LRRIQ3: variants seen among roughly 807,000 people sequenced by gnomAD.
LRRIQ3 encodes leucine rich repeats and IQ motif containing 3.
In LRRIQ3, 75 loss-of-function variants were observed where a neutral mutation model predicts 59.3. The observed-to-expected ratio is 1.26, with a 90% CI of 1.05 to 1.53. The LOEUF is 1.53. LRRIQ3 is among the 40% of genes most tolerant of loss of function. The probability of loss-of-function intolerance (pLI) is 0.00; values close to 1 mark genes in which losing one functional copy is unlikely to be tolerated. For synonymous variants in LRRIQ3, 250 were observed against 231.3 expected (o/e 1.08, Z -0.73); for missense variants, 831 against 710.0 (o/e 1.17, Z -1.94).
intron 5 of LRRIQ3, among the ~76,000 whole-genome samples, chr1:74,078,307 T>C (rs776488506): frequency 2.2e-4 from 33 of 151,866 alleles, no homozygotes; most frequent in Non-Finnish European, 3.5e-4. Context: ...GGTCAACGTT[T>C]ATATAAATGA....
At chr1:74,145,205 C>T (rs187738652) in intron 4 of LRRIQ3, among the ~76,000 whole-genome samples, 25 of 152,150 alleles carry the variant, frequency 1.6e-4, no homozygotes, top group Admixed American at 1.4e-3. Flanking sequence ...TTAACCAATT[C>T]GGTGCTTTTT....
At chr1:74,181,049 A>C (rs1052991408) in intron 3 of LRRIQ3, 9 of 435,636 alleles carry the variant, frequency 2.1e-5, no homozygotes, top group Non-Finnish European at 3.7e-5. Context: ...TTACCACTGA[A>C]TCTCCAAGTC....
intron 3 of LRRIQ3, among the ~76,000 whole-genome samples, chr1:74,160,453 T>C (rs1217536136): frequency 6.6e-5 from 10 of 152,128 alleles, no homozygotes; most frequent in Non-Finnish European, 1.5e-5. Context: ...AAAATATATG[T>C]ACTTTGCTCA....
chr1:74,101,328 T>C (rs1287531021), intron 5 of LRRIQ3, among the ~76,000 whole-genome samples: 1 of 152,126 alleles, frequency 6.6e-6, no homozygotes, highest in African/African-American at 2.4e-5. Context: ...TCACTGGCCA[T>C]CAGAGAAATG....
At chr1:74,057,187 A>C (rs1306889946) in intron 6 of LRRIQ3, among the ~76,000 whole-genome samples, 1 of 152,136 alleles carries the variant, frequency 6.6e-6, no homozygotes, top group Non-Finnish European at 1.5e-5. Context: ...TCCTATCAAA[A>C]TACTAACGAC....
At chr1:74,163,077 T>C (rs527536911) in intron 3 of LRRIQ3, among the ~76,000 whole-genome samples, 2 of 151,748 alleles carry the variant, frequency 1.3e-5, no homozygotes, top group East Asian at 1.9e-4. Flanking sequence ...CTATACACTA[T>C]ATATTTTGAA....
chr1:74,154,294 T>A (rs944033532), intron 4 of LRRIQ3, among the ~76,000 whole-genome samples: 1 of 143,874 alleles, frequency 7.0e-6, no homozygotes, highest in African/African-American at 2.6e-5. Context: ...ATATCTACTT[T>A]TGTCAGGTGC....
rs371220239 is a variant in LRRIQ3, at chr1:74,182,686, T to C, written c.425A>G (p.His142Arg). Residue 142 changes from histidine to arginine, a missense_variant, in exon 3 of 8, where the codon CAT (histidine) becomes CGT (arginine). Transcript: ENST00000354431. ...CPVSLKKGYR[H>R]VLVNSIWPLK... ...AGGCCATATACTGTTAACAAGAACA[T>C]GTCTATATCCTTTTTTAAGGCTTAC... The C allele has an allele frequency of 9.3e-6, 15 of 1,612,666 alleles. No individual in the cohort carries two copies. The African/African-American group carries it at 1.7e-4, about 19-fold the overall frequency.
At chr1:74,034,851 T>C (rs1438248293) in intron 7 of LRRIQ3, among the ~76,000 whole-genome samples, 2 of 152,034 alleles carry the variant, frequency 1.3e-5, no homozygotes, top group Non-Finnish European at 2.9e-5. Context: ...AAAACAATGT[T>C]GTTTAAAAAT....
intron 6 of LRRIQ3, among the ~76,000 whole-genome samples, chr1:74,070,064 G>A (rs1654977977): frequency 6.6e-6 from 1 of 152,030 alleles, no homozygotes; most frequent in Non-Finnish European, 1.5e-5. Context: ...GAAGCAGCTT[G>A]GTGACTTCTG....
intron 3 of LRRIQ3, among the ~76,000 whole-genome samples, chr1:74,176,667 A>G (rs983091223): frequency 2.6e-5 from 4 of 151,564 alleles, no homozygotes; most frequent in Non-Finnish European, 4.4e-5. Context: ...TTGTTTATGT[A>G]GGGGTTATAG....
At chr1:74,049,750 C>G (rs1287598837) in intron 6 of LRRIQ3, among the ~76,000 whole-genome samples, 2 of 151,998 alleles carry the variant, frequency 1.3e-5, no homozygotes, top group African/African-American at 4.8e-5. Flanking sequence ...ACGTCATATT[C>G]AAATTGTTTA....
At chr1:74,137,943 G>C (rs560496311) in intron 4 of LRRIQ3, among the ~76,000 whole-genome samples, 2 of 151,886 alleles carry the variant, frequency 1.3e-5, no homozygotes, top group East Asian at 2.0e-4. Flanking sequence ...GGCCTGTCAG[G>C]GGGTGGGAGG....
chr1:74,053,177 C>CAAAAAAAAA (rs11403724), intron 6 of LRRIQ3, among the ~76,000 whole-genome samples: 5 of 100,962 alleles, frequency 5.0e-5, no homozygotes, highest in Admixed American at 1.2e-4. Flanking sequence ...CTCCACATGC[C>CAAAAAAAAA]AAAAAAAAAA....
chr1:74,189,383 G>A (rs1650610760), intron 1 of LRRIQ3, among the ~76,000 whole-genome samples: 1 of 152,136 alleles, frequency 6.6e-6, no homozygotes, highest in African/African-American at 2.4e-5. Flanking sequence ...ACAGAAAAAG[G>A]AAATGAAATG....
intron 4 of LRRIQ3, among the ~76,000 whole-genome samples, chr1:74,111,130 C>G (rs1646688114): frequency 6.6e-6 from 1 of 150,874 alleles, no homozygotes; most frequent in South Asian, 2.1e-4. Flanking sequence ...AGTCAATTGC[C>G]AAAAGAAAAG....
At position 74,093,330 on chromosome 1, in the gene LRRIQ3, T is replaced by G. The variant is rs974994624; in HGVS notation, c.867+16064A>C. 4.6e-5 allele frequency among the ~76,000 whole-genome samples: 7 copies of G among 152,066 alleles called. No homozygotes were observed. In the South Asian group the frequency reaches 6.2e-4, roughly 14 times the overall value. Reference sequence around the variant, plus strand: ...AATATAGGAGATTTTTCCAGATGTGTTTACTCTATTTCAAAAGAAGAGAGT... The same window carrying G: ...AATATAGGAGATTTTTCCAGATGTGGTTACTCTATTTCAAAAGAAGAGAGT... On this transcript the variant is annotated intron_variant, in intron 5 of 7. Coordinates refer to ENST00000354431, the MANE Select transcript of LRRIQ3 (RefSeq NM_001105659.2).
intron 4 of LRRIQ3, among the ~76,000 whole-genome samples, chr1:74,123,312 CAT>C (rs1646888911): frequency 6.6e-6 from 1 of 151,984 alleles, no homozygotes; most frequent in Admixed American, 6.6e-5. Flanking sequence ...ACAATCCACA[CAT>C]ATTCTTTCAG....
intron 4 of LRRIQ3, among the ~76,000 whole-genome samples, chr1:74,137,930 C>CG (rs1647152289): frequency 7.2e-6 from 1 of 138,750 alleles, no homozygotes; most frequent in South Asian, 2.7e-4. Flanking sequence ...CATCACACAC[C>CG]GGGGCCTGTC....
Sources: gnomAD v4.1 joint callset for allele counts (sites outside exome capture counted in the v4.1 genomes callset) on GRCh38, gnomAD v4.1.1 for gene constraint, MANE v1.5 for transcripts, NCBI Gene and HGNC (gene_info 2026-07-23, HGNC 2026-07-21) for gene names.